The following PDE1C variants were observed in gnomAD, a reference collection of about 807,000 sequenced individuals.
PDE1C encodes the protein dual specificity calcium/calmodulin-dependent 3',5'-cyclic nucleotide phosphodiesterase 1C.
Under a neutral mutation model 93.1 loss-of-function variants are expected in PDE1C, and 62 were observed. The ratio of observed to expected loss-of-function variants is 0.67; its 90% CI spans 0.54 to 0.82. The LOEUF (loss-of-function observed/expected upper bound fraction) is 0.82. Among genes scored for constraint, PDE1C ranks in the 40% least tolerant of loss-of-function variants. PDE1C has a pLI of 0.00. For synonymous variants in PDE1C, 325 were observed against 310.1 expected, an observed-to-expected ratio of 1.05 and a Z score of -0.50; for missense variants, 742 against 884.6, an observed-to-expected ratio of 0.84 and a Z score of 2.04.
chr7:32,171,587 AATT>A (rs1185155003), intron 2 of PDE1C, among the ~76,000 whole-genome samples: 54 of 150,342 alleles, frequency 3.6e-4, no homozygotes, highest in African/African-American at 9.0e-4. Flanking sequence ...TTGTTATTGA[AATT>A]ATTATTTTAC....
chr7:32,193,258 G>T (rs976376765), intron 2 of PDE1C, among the ~76,000 whole-genome samples: 2 of 152,046 alleles, frequency 1.3e-5, no homozygotes, highest in Non-Finnish European at 2.9e-5. Flanking sequence ...ATCCGTTTTT[G>T]CCCTTAAATA....
intron 2 of PDE1C, among the ~76,000 whole-genome samples, chr7:31,949,758 T>A (rs868802568): frequency 2.0e-5 from 3 of 152,202 alleles, no homozygotes; most frequent in Admixed American, 6.5e-5. Flanking sequence ...TGAGTTTGAC[T>A]TAATAGGGTA....
intron 2 of PDE1C, among the ~76,000 whole-genome samples, chr7:31,966,588 T>A (rs566295456): frequency 2.6e-5 from 4 of 152,338 alleles, no homozygotes; most frequent in African/African-American, 9.6e-5. Context: ...GGAATTGAAC[T>A]CAGCTCTGCA....
chr7:32,260,527 C>G (rs1215019795), intron 1 of PDE1C, among the ~76,000 whole-genome samples: 2 of 152,168 alleles, frequency 1.3e-5, no homozygotes, highest in Non-Finnish European at 2.9e-5. Flanking sequence ...GAGGGCAGCC[C>G]TCTGTGGGTT....
intron 3 of PDE1C, among the ~76,000 whole-genome samples, chr7:32,090,933 A>T: frequency 6.6e-6 from 1 of 152,236 alleles, no homozygotes; most frequent in Non-Finnish European, 1.5e-5. Flanking sequence ...CATAAACTAA[A>T]AGGGGCCAGA....
chr7:31,976,139 A>G (rs116076136), intron 2 of PDE1C, among the ~76,000 whole-genome samples: 2,945 of 152,324 alleles, frequency 0.019, 99 homozygotes, highest in African/African-American at 0.068. Flanking sequence ...ACATGTTAGC[A>G]CATAACAAAT....
the PDE1C span, among the ~76,000 whole-genome samples, chr7:31,705,718 T>G: frequency 3.1e-4 from 36 of 116,866 alleles, no homozygotes; most frequent in South Asian, 8.4e-3. Context: ...GTGTAGATCT[T>G]TATGAAATGC....
intron 2 of PDE1C, among the ~76,000 whole-genome samples, chr7:31,944,615 C>T (rs1269952121): frequency 6.6e-6 from 1 of 152,202 alleles, no homozygotes; most frequent in Admixed American, 6.5e-5. Context: ...ACTTTTTGCT[C>T]TTACAAACTG....
intron 1 of PDE1C, among the ~76,000 whole-genome samples, chr7:32,347,792 T>C (rs1379342031): frequency 3.3e-5 from 5 of 152,234 alleles, no homozygotes; most frequent in Non-Finnish European, 7.3e-5. Flanking sequence ...ATAATTTTGA[T>C]GAACTCCAAA....
At chr7:31,939,218 CAGAAGA>C (rs201931831) in intron 2 of PDE1C, among the ~76,000 whole-genome samples, 1 of 151,600 alleles carries the variant, frequency 6.6e-6, no homozygotes, top group Non-Finnish European at 1.5e-5. Flanking sequence ...GAGAGAGAGA[CAGAAGA>C]AGAAGAAGGA....
chr7:31,796,450 C>A (rs1785323372), intron 16 of PDE1C, among the ~76,000 whole-genome samples: 1 of 151,540 alleles, frequency 6.6e-6, no homozygotes, highest in Non-Finnish European at 1.5e-5. Context: ...TCATTATATA[C>A]CATCCTTGAA....
chr7:32,144,248 T>G (rs1800694794), intron 3 of PDE1C, among the ~76,000 whole-genome samples: 1 of 152,096 alleles, frequency 6.6e-6, no homozygotes, highest in Non-Finnish European at 1.5e-5. Context: ...CACCAAGACT[T>G]TGTGTCTCTC....
the PDE1C span, among the ~76,000 whole-genome samples, chr7:31,692,879 T>C: frequency 1.3e-5 from 2 of 152,242 alleles, no homozygotes; most frequent in Admixed American, 6.5e-5. Flanking sequence ...GACACACTTA[T>C]ACCCCATGTG....
chr7:31,749,699 A>C (rs1218956906), downstream of PDE1C, among the ~76,000 whole-genome samples: 1 of 151,894 alleles, frequency 6.6e-6, no homozygotes, highest in East Asian at 1.9e-4. Context: ...AATCCTCTGC[A>C]AAGGGAGGCT....
chr7:31,725,472 C>T, the PDE1C span, among the ~76,000 whole-genome samples: 1 of 152,196 alleles, frequency 6.6e-6, no homozygotes, highest in African/African-American at 2.4e-5. Flanking sequence ...CAACTGAGAA[C>T]TTCCTGAGCT....
At chr7:31,836,971 T>C (rs987986138) in intron 11 of PDE1C, among the ~76,000 whole-genome samples, 7 of 152,044 alleles carry the variant, frequency 4.6e-5, no homozygotes, top group Non-Finnish European at 8.8e-5. Flanking sequence ...CAGAAATGCA[T>C]AGGATAAAAA....
At chr7:32,274,263 A>G (rs1811148798) in intron 1 of PDE1C, among the ~76,000 whole-genome samples, 1 of 149,872 alleles carries the variant, frequency 6.7e-6, no homozygotes, top group African/African-American at 2.5e-5. Flanking sequence ...GCTAGAGTGC[A>G]GTGGCATGAT....
In PDE1C at chr7:31,931,679, A is replaced by G. The variant is rs1013784232; in HGVS notation, c.129-50819T>C. Among the ~76,000 whole-genome samples, 6 of 152,192 alleles carry G rather than the reference A, an allele frequency of 3.9e-5. 1 individual carries two copies. In the East Asian group the frequency reaches 9.6e-4, roughly 24 times the overall value. On this transcript the variant is annotated intron_variant, in intron 2 of 17. Coordinates refer to ENST00000396191, the MANE Select transcript of PDE1C (RefSeq NM_001191057.4). The stretch of plus-strand genomic sequence containing the variant: ...CCATACTGCCCAAAGTAATTTATAG[A>G]TTCAATGCTATTCCCATTAAGCTAA...
chr7:32,011,394 G>A (rs982990970), intron 2 of PDE1C, among the ~76,000 whole-genome samples: 7 of 152,008 alleles, frequency 4.6e-5, no homozygotes, highest in South Asian at 4.2e-4. Flanking sequence ...GGGTTTTGCC[G>A]TGTTAGCCAG....
Sources: allele counts gnomAD v4.1 joint callset (sites outside exome capture counted in the v4.1 genomes callset), GRCh38; gene constraint gnomAD v4.1.1; transcripts MANE v1.5; gene names NCBI Gene and HGNC (gene_info 2026-07-23, HGNC 2026-07-21).